ZNF431: variants seen among roughly 807,000 people sequenced by gnomAD.
The protein encoded by ZNF431 is zinc finger protein 431.
A neutral mutation model predicts 57.0 loss-of-function variants in ZNF431; 34 were observed. That is an observed-to-expected ratio of 0.60 (90% CI 0.45 to 0.79). ZNF431 has a LOEUF of 0.79. Ranked by LOEUF, ZNF431 falls within the 30% of genes least tolerant of loss-of-function variation. ZNF431 has a pLI of 0.00. For synonymous variants in ZNF431, 207 were observed against 220.3 expected (o/e 0.94, Z 0.54); for missense variants, 607 against 667.1 (o/e 0.91, Z 0.99).
chr19:21,145,181 G>A (rs1970047807), intron 2 of ZNF431, among the ~76,000 whole-genome samples: 1 of 152,160 alleles, frequency 6.6e-6, no homozygotes, highest in Admixed American at 6.6e-5. Flanking sequence ...TACAAAAGGA[G>A]GTTATGAAAG....
intron 4 of ZNF431, among the ~76,000 whole-genome samples, chr19:21,170,809 G>A (rs1267076790): frequency 1.3e-5 from 2 of 152,114 alleles, no homozygotes; most frequent in Non-Finnish European, 2.9e-5. Flanking sequence ...GAATAGCTGG[G>A]ACTACAGGCG....
chr19:21,164,561 G>A (rs369200732), intron 2 of ZNF431, among the ~76,000 whole-genome samples: 64 of 152,158 alleles, frequency 4.2e-4, no homozygotes, highest in African/African-American at 1.5e-3. Flanking sequence ...ATGCTTTTAA[G>A]GGAATTTTCT....
In ZNF431 at chr19:21,191,451, CA is replaced by C. The variant is rs570717230; in HGVS notation, c.*7432del. ...TTGGCAACAGAATGAAACTCTGTCT[CA>C]AAAAAAAAAAAAAATTTGCTGCCCA... On this transcript the variant is annotated 3_prime_UTR_variant, in exon 5 of 5. Coordinates refer to ENST00000311048, the MANE Select transcript of ZNF431 (RefSeq NM_133473.4). The C allele has an allele frequency of 5.2e-3, 707 of 135,496 alleles. 4 individuals carry two copies. The highest frequency in any genetic ancestry group is 0.01 in the African/African-American group (383 of 37,130). The allele number at this position is 135,496 out of a possible 1,614,324, so 8.4% of individuals were successfully genotyped here.
intron 4 of ZNF431, 92 bp from the exon 5 acceptor site, chr19:21,182,531 T>C: frequency 7.5e-7 from 1 of 1,338,608 alleles, no homozygotes; most frequent in Non-Finnish European, 1.0e-6. Flanking sequence ...TGGCATCTTG[T>C]TTATGTAGTT....
chr19:21,193,640 C>T lies in ZNF431; in HGVS notation c.*9606C>T, dbSNP rs2145084179. ...TTTGGGTGAACATTGAAACAAAAAT[C>T]CTCCATGAAATAATAGCAAGCTGAG... On this transcript the variant is annotated 3_prime_UTR_variant, in exon 5 of 5. Transcript: ENST00000311048. 1 of 152,256 alleles carries T rather than the reference C, an allele frequency of 6.6e-6. No homozygotes were observed. The highest frequency in any genetic ancestry group is 1.9e-4 in the East Asian group (1 of 5,182). 9.4% of individuals were successfully genotyped at this position (152,256 alleles called of 1,614,324 possible).
Position 21,181,654 on chromosome 19 carries a change from C to G in ZNF431, c.320-969C>G, listed in dbSNP as rs141042785. Among the ~76,000 whole-genome samples the G allele has an allele frequency of 2.0e-5, 3 of 151,806 alleles. No homozygotes were observed. The East Asian group carries it at 5.8e-4, about 29-fold the overall frequency. ...AATTTTTTAGTTATATTTTCCTTTACAATTTCTGTTTTTGGATATTTTAAA... is the reference window on the plus strand; with the variant it reads ...AATTTTTTAGTTATATTTTCCTTTAGAATTTCTGTTTTTGGATATTTTAAA... On this transcript the variant is annotated intron_variant, in intron 4 of 4. Coordinates refer to ENST00000311048, the MANE Select transcript of ZNF431 (RefSeq NM_133473.4).
At position 21,195,170 on chromosome 19, in the gene ZNF431, G is replaced by A. The variant is rs1971582791; in HGVS notation, c.*11136G>A. The A allele has an allele frequency of 6.6e-6, 1 of 152,142 alleles. No homozygotes were observed. The highest frequency in any genetic ancestry group is 1.5e-5 in the Non-Finnish European group (1 of 68,032). 9.4% of individuals were successfully genotyped at this position (152,142 alleles called of 1,614,324 possible). ...CAGTTAAGAATCGCAGATGTCAAAT[G>A]GCCAACACAGAATCTAACGACATGC... On this transcript the variant is annotated 3_prime_UTR_variant, in exon 5 of 5. Coordinates refer to ENST00000311048, the MANE Select transcript of ZNF431 (RefSeq NM_133473.4).
At chr19:21,172,117 A>G (rs1850788888) in intron 4 of ZNF431, among the ~76,000 whole-genome samples, 1 of 92,278 alleles carries the variant, frequency 1.1e-5, no homozygotes, top group Admixed American at 1.2e-4. Flanking sequence ...TTTTTCCTTT[A>G]GAAAAATTAA....
At position 21,183,861 on chromosome 19, in the gene ZNF431, G is replaced by C. The variant is rs1236045998; in HGVS notation, c.1558G>C (p.Ala520Pro). 1.2e-6 allele frequency: 2 copies of C among 1,613,782 alleles called. No homozygotes were observed. Among genetic ancestry groups the C allele is most frequent in the African/African-American group, 1.3e-5 (1 of 74,906 alleles). The stretch of plus-strand genomic sequence containing the variant: ...TTACAAATGTGAAGAATGTGGTAAA[G>C]CCTTTAACCAATCCTCAACTCTTAC... The part of the protein sequence containing the change: ...KSYKCEECGK[A>P]FNQSSTLTKH... Residue 520 changes from alanine (A) to proline (P), a missense_variant, in exon 5 of 5, where the codon GCC (alanine) becomes CCC (proline). Physicochemically the swap from Ala to Pro is conservative, Grantham distance 27. Transcript: ENST00000311048.
At chr19:21,157,775 G>A (rs565550493) in intron 2 of ZNF431, among the ~76,000 whole-genome samples, 39 of 151,838 alleles carry the variant, frequency 2.6e-4, no homozygotes, top group African/African-American at 5.6e-4. Context: ...TGATCCGCCC[G>A]CCTCGGCCTC....
intron 4 of ZNF431, chr19:21,175,609 G>T: frequency 2.0e-6 from 1 of 510,614 alleles, no homozygotes; most frequent in Admixed American, 3.6e-5. Flanking sequence ...AGTGTGTGTT[G>T]TTTCCCTCCA....
rs61515676 is a variant in ZNF431, at chr19:21,187,453, AAAG to A, written c.*3421_*3423del. 68,408 of 115,190 alleles carry A rather than the reference AAAG, an allele frequency of 0.59. 17,989 individuals are homozygous for A. The highest frequency in any genetic ancestry group is 0.74 in the Middle Eastern group (168 of 226). 7.1% of individuals were successfully genotyped at this position (115,190 alleles called of 1,614,324 possible). A position where few individuals can be genotyped will look rare whatever the true frequency, so the allele number is the denominator to read the frequency against. ...CCATATAAAAAAAAAAAAAAAAAAA[AAAG>A]AGCTGGGCGTGGTGGCTCACGCCTG... On this transcript the variant is annotated 3_prime_UTR_variant, in exon 5 of 5. Coordinates refer to ENST00000311048, the MANE Select transcript of ZNF431 (RefSeq NM_133473.4).
rs146545606 is a variant in ZNF431, at chr19:21,156,524, C to T, written c.97-9811C>T. Among the ~76,000 whole-genome samples, 298 of 152,144 alleles carry T rather than the reference C, an allele frequency of 2.0e-3. 2 individuals carry two copies. The highest frequency in any genetic ancestry group is 6.5e-3 in the African/African-American group (270 of 41,518). On this transcript the variant is annotated intron_variant, in intron 2 of 4. Transcript: ENST00000311048. ...TTTTTTCTGATCCTTTTTGTCCTTT[C>T]GTTCTGCATTCTCAACTAGGCCTCA...
At position 21,148,216 on chromosome 19, in the gene ZNF431, C is replaced by T. The variant is rs546783871; in HGVS notation, c.96+4573C>T. On this transcript the variant is annotated intron_variant, in intron 2 of 4. Transcript: ENST00000311048. ...TTCATCATGTTGGCCAGGCTGGTCT[C>T]GAACTCCTGACCTTGTGATCGGCCC... is the stretch of plus-strand genomic sequence containing the variant. Among the ~76,000 whole-genome samples, 8 of 152,158 alleles carry T rather than the reference C, an allele frequency of 5.3e-5. No homozygotes were observed. In the East Asian group the frequency reaches 5.8e-4, roughly 11 times the overall value.
At position 21,182,649 on chromosome 19, in the gene ZNF431, C is replaced by G. The variant is rs201493766; in HGVS notation, c.346C>G (p.Leu116Val). ...PAMCSYFTKD[L>V]WPEQDIKDSF... Reference sequence around the variant, plus strand: ...TATGTGTTCTTATTTTACCAAAGACCTTTGGCCAGAGCAAGACATAAAAGA... The same window carrying G: ...TATGTGTTCTTATTTTACCAAAGACGTTTGGCCAGAGCAAGACATAAAAGA... Residue 116 changes from leucine (L) to valine (V), a missense_variant, in exon 5 of 5, where the codon CTT becomes GTT. By Grantham distance (32) the Leu-to-Val change is conservative. Coordinates refer to ENST00000311048, the MANE Select transcript of ZNF431 (RefSeq NM_133473.4). 6.2e-7 allele frequency: 1 copy of G among 1,605,932 alleles called. No homozygotes were observed. The highest frequency in any genetic ancestry group is 8.5e-7 in the Non-Finnish European group (1 of 1,177,626).
At chr19:21,176,971 T>C (rs1260775272) in intron 4 of ZNF431, among the ~76,000 whole-genome samples, 1 of 148,010 alleles carries the variant, frequency 6.8e-6, no homozygotes, top group African/African-American at 2.6e-5. Context: ...GCACTGTGGT[T>C]ACAGGCGTGA....
chr19:21,189,139 A>T lies in ZNF431; in HGVS notation c.*5105A>T, dbSNP rs1971450025. On this transcript the variant is annotated 3_prime_UTR_variant, in exon 5 of 5. Transcript: ENST00000311048. ...ATCTGTACTTTTTCTGTAGAACGTA[A>T]TATTTTGAAGTATATATATAGTTAA... is the stretch of plus-strand genomic sequence containing the variant. The T allele has an allele frequency of 1.3e-5, 2 of 152,182 alleles. No individual in the cohort carries two copies. The highest frequency in any genetic ancestry group is 4.8e-5 in the African/African-American group (2 of 41,444). 9.4% of individuals were successfully genotyped at this position (152,182 alleles called of 1,614,324 possible).
chr19:21,153,852 G>A (rs1420199642), intron 2 of ZNF431, among the ~76,000 whole-genome samples: 1 of 152,058 alleles, frequency 6.6e-6, no homozygotes, highest in Non-Finnish European at 1.5e-5. Context: ...TAGTAGCTGG[G>A]ATTACAGGCG....
rs139391034 is a variant in ZNF431, at chr19:21,182,944, G to T, written c.641G>T (p.Cys214Phe). 5.0e-3 allele frequency: 8,027 copies of T among 1,614,028 alleles called. 25 individuals carry two copies. Among genetic ancestry groups the T allele is most frequent in the Non-Finnish European group, 5.4e-3 (6,381 of 1,179,942 alleles). ...FKCKKCGKSF[C>F]MLLHLSQHKR... The stretch of plus-strand genomic sequence containing the variant: ...TGTAAAAAATGTGGCAAATCATTTT[G>T]CATGCTTTTACACCTAAGTCAACAT... Residue 214 changes from cysteine to phenylalanine, a missense_variant, in exon 5 of 5, where the codon TGC becomes TTC. Physicochemically the swap from Cys to Phe is radical, Grantham distance 205 (BLOSUM62 -2). Coordinates refer to ENST00000311048, the MANE Select transcript of ZNF431 (RefSeq NM_133473.4).
Sources: allele counts gnomAD v4.1 joint callset (sites outside exome capture counted in the v4.1 genomes callset), GRCh38; gene constraint gnomAD v4.1.1; transcripts MANE v1.5; gene names NCBI Gene and HGNC (gene_info 2026-07-23, HGNC 2026-07-21).